TRAPPC9: variants seen among roughly 807,000 people sequenced by gnomAD.
TRAPPC9 encodes the protein IKK2 binding protein.
A neutral mutation model predicts 124.0 loss-of-function variants in TRAPPC9; 83 were observed. The observed-to-expected ratio is 0.67, with a 90% CI of 0.56 to 0.80. The LOEUF is 0.80. TRAPPC9 is among the 30% of genes least tolerant of loss of function. TRAPPC9 has a pLI of 0.00. For missense variants in TRAPPC9, 1,302 were observed against 1,508.3 expected (o/e 0.86, Z 2.27); for synonymous variants, 638 against 617.5 (o/e 1.03, Z -0.49).
At chr8:140,329,803 A>C (rs1043934779) in intron 9 of TRAPPC9, among the ~76,000 whole-genome samples, 1 of 152,176 alleles carries the variant, frequency 6.6e-6, no homozygotes, top group Admixed American at 6.5e-5. Flanking sequence ...AATACCGGCC[A>C]GGCATGGTGG....
intron 9 of TRAPPC9, among the ~76,000 whole-genome samples, chr8:140,345,496 C>G (rs905216942): frequency 2.6e-5 from 4 of 152,196 alleles, no homozygotes; most frequent in African/African-American, 4.8e-5. Flanking sequence ...TTTGAGAGAA[C>G]AGCAGGGCAG....
chr8:140,327,353 CCTCAAAAAG>C (rs905136776), intron 9 of TRAPPC9, among the ~76,000 whole-genome samples: 53 of 152,284 alleles, frequency 3.5e-4, no homozygotes, highest in African/African-American at 1.3e-3. Context: ...TTTGGCAGTT[CCTCAAAAAG>C]TTAAGCATAG....
At chr8:139,940,526 C>T (rs1225534980) in intron 19 of TRAPPC9, among the ~76,000 whole-genome samples, 1 of 152,182 alleles carries the variant, frequency 6.6e-6, no homozygotes, top group East Asian at 1.9e-4. Context: ...ATATCTGCTC[C>T]CTCCTTGCAG....
intron 15 of TRAPPC9, among the ~76,000 whole-genome samples, chr8:140,271,915 G>A (rs1412093267): frequency 6.6e-6 from 1 of 152,152 alleles, no homozygotes; most frequent in Non-Finnish European, 1.5e-5. Flanking sequence ...CAGTGGTGGT[G>A]GTGGTAGTGA....
intron 18 of TRAPPC9, among the ~76,000 whole-genome samples, chr8:139,996,158 CAA>C: frequency 2.5e-3 from 49 of 19,426 alleles, no homozygotes; most frequent in African/African-American, 8.9e-3. Context: ...AAAACTTAAG[CAA>C]AAAAAAAAAA....
chr8:139,758,818 T>C (rs1196171974), intron 21 of TRAPPC9, among the ~76,000 whole-genome samples: 1 of 152,156 alleles, frequency 6.6e-6, no homozygotes, highest in East Asian at 1.9e-4. Flanking sequence ...CCAAGTAAGT[T>C]ATGGGAATCG....
chr8:140,006,784 AGGT>A (rs1391018250), intron 18 of TRAPPC9, among the ~76,000 whole-genome samples: 7 of 152,200 alleles, frequency 4.6e-5, no homozygotes, highest in African/African-American at 7.2e-5. Flanking sequence ...GAGAGACAGA[AGGT>A]AGATTAGTGG....
Position 139,825,451 on chromosome 8 carries a change from G to A in TRAPPC9, c.3055+60428C>T, listed in dbSNP as rs112076492. Among the ~76,000 whole-genome samples the A allele has an allele frequency of 7.0e-3, 1,063 of 152,288 alleles. 15 individuals carry two copies. Among genetic ancestry groups the A allele is most frequent in the African/African-American group, 0.024 (994 of 41,556 alleles). On this transcript the variant is annotated intron_variant, in intron 21 of 22. Coordinates refer to ENST00000438773, the MANE Select transcript of TRAPPC9 (RefSeq NM_001160372.4). This position sits in a 1 kb window ranked among gnomAD's most constrained non-coding sequence, Gnocchi z 4.6. ...GCCCAGGAAGTGCTTCCCGGGCGCC[G>A]GATGGATGGGCACCAGGGCCAGGTG...
intron 17 of TRAPPC9, among the ~76,000 whole-genome samples, chr8:140,117,759 T>A (rs949591412): frequency 1.2e-4 from 18 of 152,214 alleles, no homozygotes; most frequent in African/African-American, 3.9e-4. Context: ...AGTGAGCCTC[T>A]AACATGCTGC....
At chr8:140,043,663 C>T (rs939099872) in intron 17 of TRAPPC9, among the ~76,000 whole-genome samples, 15 of 152,164 alleles carry the variant, frequency 9.9e-5, no homozygotes, top group Non-Finnish European at 2.2e-4. Context: ...ACACCTAGAT[C>T]GCTGGGCCAA....
intron 17 of TRAPPC9, among the ~76,000 whole-genome samples, chr8:140,169,262 G>A (rs1297722224): frequency 6.6e-6 from 1 of 152,180 alleles, no homozygotes; most frequent in Non-Finnish European, 1.5e-5. Flanking sequence ...CACTAGGATG[G>A]CTACAATAAC....
intron 17 of TRAPPC9, among the ~76,000 whole-genome samples, chr8:140,060,839 T>G (rs1189870370): frequency 6.6e-6 from 1 of 152,264 alleles, no homozygotes; most frequent in Non-Finnish European, 1.5e-5. Context: ...TGCCCCATCA[T>G]GGCAGACCCA....
Position 140,156,110 on chromosome 8 carries a change from T to G in TRAPPC9, c.2556+65349A>C, listed in dbSNP as rs202158862. Among the ~76,000 whole-genome samples, 10 of 152,194 alleles carry G rather than the reference T, an allele frequency of 6.6e-5. No homozygotes were observed. The East Asian group carries it at 1.7e-3, about 26-fold the overall frequency. On this transcript the variant is annotated intron_variant, in intron 17 of 22. Coordinates refer to ENST00000438773, the MANE Select transcript of TRAPPC9 (RefSeq NM_001160372.4). Reference sequence around the variant, plus strand: ...TGCTAAATGAAGGGGTAACATTCGATGCAGACAGCTGGGTGAATCAGAAGA... The same window carrying G: ...TGCTAAATGAAGGGGTAACATTCGAGGCAGACAGCTGGGTGAATCAGAAGA...
intron 21 of TRAPPC9, among the ~76,000 whole-genome samples, chr8:139,815,393 C>CT (rs33934110): frequency 0.058 from 8,475 of 145,470 alleles, 813 homozygotes; most frequent in African/African-American, 0.2. Context: ...GCATTCATAA[C>CT]TTTTTTTTTT....
chr8:140,297,775 TAC>T (rs2065853555), intron 11 of TRAPPC9, among the ~76,000 whole-genome samples: 1 of 152,244 alleles, frequency 6.6e-6, no homozygotes, highest in Admixed American at 6.5e-5. Flanking sequence ...CTGACAGATG[TAC>T]AGTTTTAGAG....
chr8:140,061,729 C>T (rs551825437), intron 17 of TRAPPC9, among the ~76,000 whole-genome samples: 38 of 152,270 alleles, frequency 2.5e-4, no homozygotes, highest in African/African-American at 8.2e-4. Context: ...AGGCCAGAAG[C>T]CTGGACGGAA....
At chr8:140,355,445 T>C (rs1331749880) in intron 9 of TRAPPC9, among the ~76,000 whole-genome samples, 1 of 152,180 alleles carries the variant, frequency 6.6e-6, no homozygotes, top group East Asian at 1.9e-4. Flanking sequence ...CAAACCGAGA[T>C]GATGAATCTC....
intron 18 of TRAPPC9, among the ~76,000 whole-genome samples, chr8:140,022,766 G>T (rs929704934): frequency 1.3e-5 from 2 of 152,304 alleles, no homozygotes; most frequent in Non-Finnish European, 2.9e-5. Flanking sequence ...CAAAACAGAG[G>T]CGGGTCTTGG....
chr8:139,983,591 A>G (rs1837053377), intron 19 of TRAPPC9, among the ~76,000 whole-genome samples: 1 of 152,182 alleles, frequency 6.6e-6, no homozygotes, highest in East Asian at 1.9e-4. Flanking sequence ...CCTCGGAGAT[A>G]CACAGGAAAT....
Sources: allele counts gnomAD v4.1 joint callset (sites outside exome capture counted in the v4.1 genomes callset), GRCh38; gene constraint gnomAD v4.1.1; non-coding constraint Gnocchi (gnomAD v3.1); transcripts MANE v1.5; gene names NCBI Gene and HGNC (gene_info 2026-07-23, HGNC 2026-07-21).